Variants in MICAL3 observed in about 807,000 individuals in gnomAD.
MICAL3 encodes microtubule associated monooxygenase, calponin and LIM domain containing 3.
Under a neutral mutation model 207.4 loss-of-function variants are expected in MICAL3, and 62 were observed. That is an observed-to-expected ratio of 0.30 (90% CI 0.24 to 0.37). The LOEUF (loss-of-function observed/expected upper bound fraction) is 0.37. Ranked by LOEUF, MICAL3 falls within the 10% of genes least tolerant of loss-of-function variation. MICAL3 has a pLI of 1.00. For missense variants in MICAL3, 2,368 were observed against 2,635.6 expected, an observed-to-expected ratio of 0.90 and a Z score of 2.22; for synonymous variants, 1,077 against 1,069.3, an observed-to-expected ratio of 1.01 and a Z score of -0.14.
chr22:17,984,651 T>C (rs1418966384), intron 1 of MICAL3, among the ~76,000 whole-genome samples: 1 of 151,942 alleles, frequency 6.6e-6, no homozygotes, highest in Non-Finnish European at 1.5e-5. Context: ...CAAACAGGGT[T>C]TCTGACTTCA....
At chr22:17,993,090 A>G (rs1213729344) in intron 1 of MICAL3, among the ~76,000 whole-genome samples, 2 of 152,282 alleles carry the variant, frequency 1.3e-5, no homozygotes, top group Admixed American at 1.3e-4. Flanking sequence ...TCTGTTTTGG[A>G]AAGAAACTGA....
In MICAL3 at chr22:17,904,738, G is replaced by C. The variant is rs1296561535; in HGVS notation, c.366C>G (p.Ser122=). The C allele has an allele frequency of 6.2e-7, 1 of 1,613,780 alleles. No homozygotes were observed. Among genetic ancestry groups the C allele is most frequent in the Non-Finnish European group, 8.5e-7 (1 of 1,179,714 alleles). ...VVVIEKRDAF[S]RNNVLHLWPF... is the part of the protein sequence containing the mutation. ...GCCAGAGATGCAAGACGTTGTTGCG[G>C]GAGAAGGCATCTCGTTTCTCAATAA... Residue 122 remains serine, a synonymous_variant, in exon 3 of 32, where the codon TCC becomes TCG. Coordinates refer to ENST00000441493, the MANE Select transcript of MICAL3 (RefSeq NM_015241.3).
chr22:17,914,633 T>C (rs984004248), intron 1 of MICAL3, among the ~76,000 whole-genome samples: 15 of 152,264 alleles, frequency 9.9e-5, no homozygotes, highest in African/African-American at 3.6e-4. Context: ...ATATGCAGTT[T>C]CAAGTAAATT....
In MICAL3 at chr22:17,963,350, C is replaced by T. The variant is rs73151070; in HGVS notation, c.-74-56464G>A. ...TGGACACAGGATGTTTAAAGGAAGA[C>T]TGTTAGGGACACCCATGGCGTGAGA... On this transcript the variant is annotated intron_variant, in intron 1 of 31. Transcript: ENST00000441493. Among the ~76,000 whole-genome samples, 620 of 152,232 alleles carry T rather than the reference C, an allele frequency of 4.1e-3. 1 individual carries two copies. Among genetic ancestry groups the T allele is most frequent in the Non-Finnish European group, 6.8e-3 (461 of 68,020 alleles).
At chr22:17,988,154 A>G (rs1921241768) in intron 1 of MICAL3, among the ~76,000 whole-genome samples, 2 of 152,208 alleles carry the variant, frequency 1.3e-5, no homozygotes, top group Admixed American at 1.3e-4. Flanking sequence ...TTCAGAACCA[A>G]GTCATACTCC....
chr22:17,799,171 T>A (rs1319720034), intron 29 of MICAL3, among the ~76,000 whole-genome samples: 2 of 152,030 alleles, frequency 1.3e-5, no homozygotes, highest in African/African-American at 4.8e-5. Context: ...TCACTTGAGG[T>A]CTGGAGTTCA....
At chr22:17,973,861 C>T (rs1440832323) in intron 1 of MICAL3, among the ~76,000 whole-genome samples, 4 of 152,088 alleles carry the variant, frequency 2.6e-5, no homozygotes, top group Non-Finnish European at 5.9e-5. Flanking sequence ...GTCGAGGCTG[C>T]AGTAAGCTGT....
intron 19 of MICAL3, among the ~76,000 whole-genome samples, chr22:17,845,616 A>C (rs959514639): frequency 6.6e-6 from 1 of 152,086 alleles, no homozygotes; most frequent in Non-Finnish European, 1.5e-5. Flanking sequence ...AGGCACTATC[A>C]TTTGCAAATG....
intron 1 of MICAL3, among the ~76,000 whole-genome samples, chr22:18,007,818 G>T (rs1216199435): frequency 1.0e-4 from 15 of 150,600 alleles, no homozygotes; most frequent in Non-Finnish European, 1.5e-4. Flanking sequence ...AGCTACTCGG[G>T]AGGCTGAGGC....
In MICAL3 at chr22:17,895,304, T is replaced by C; in HGVS notation, c.1429A>G (p.Asn477Asp). Residue 477 changes from asparagine (N) to aspartate (D), a missense_variant, in exon 10 of 32, where the codon AAC (asparagine) becomes GAC (aspartate). Coordinates refer to ENST00000441493, the MANE Select transcript of MICAL3 (RefSeq NM_015241.3). ...PVTRYPNINV[N>D]FLRPSQVRHL... is the part of the protein sequence containing the mutation. ...CTTACCTGGCTTGGCCGGAGGAAGT[T>C]GACGTTGATATTGGGATACCGAGTG... The C allele has an allele frequency of 6.2e-7, 1 of 1,613,738 alleles. No homozygotes were observed. Among genetic ancestry groups the C allele is most frequent in the South Asian group, 1.1e-5 (1 of 90,966 alleles).
chr22:17,918,154 G>A (rs73388429), intron 1 of MICAL3, among the ~76,000 whole-genome samples: 8,170 of 152,156 alleles, frequency 0.054, 769 homozygotes, highest in African/African-American at 0.19. Context: ...TAAACGTGTC[G>A]TAAACATTTT....
intron 1 of MICAL3, among the ~76,000 whole-genome samples, chr22:17,962,101 T>C (rs747474501): frequency 2.0e-4 from 31 of 152,260 alleles, no homozygotes; most frequent in Non-Finnish European, 3.7e-4. Context: ...GAGGGGTAGG[T>C]CTGTCAATCG....
chr22:17,896,571 T>C (rs1361800792), intron 8 of MICAL3, among the ~76,000 whole-genome samples, 153 bp downstream of exon 8: 1 of 152,200 alleles, frequency 6.6e-6, no homozygotes, highest in Non-Finnish European at 1.5e-5. Flanking sequence ...CCCAGTGGCC[T>C]GTAGCCCTCC....
intron 1 of MICAL3, among the ~76,000 whole-genome samples, chr22:17,948,350 C>T (rs1406869910): frequency 6.6e-6 from 1 of 152,204 alleles, no homozygotes; most frequent in Non-Finnish European, 1.5e-5. Flanking sequence ...TGGTGGACTC[C>T]ACCTCTTGGT....
chr22:18,008,259 CAA>C (rs1923528495), intron 1 of MICAL3, among the ~76,000 whole-genome samples: 1 of 152,012 alleles, frequency 6.6e-6, no homozygotes. Context: ...AAGCATGGTG[CAA>C]TAGGAGCTCA....
chr22:17,803,419 G>C (rs2061959449), intron 29 of MICAL3: 1 of 152,072 alleles, frequency 6.6e-6, no homozygotes, highest in Admixed American at 6.5e-5. Flanking sequence ...TTGCTTCTTT[G>C]CGTAAGTGTG....
chr22:17,824,232 C>T (rs1300848559), intron 22 of MICAL3, among the ~76,000 whole-genome samples: 3 of 152,144 alleles, frequency 2.0e-5, no homozygotes, highest in African/African-American at 7.2e-5. Flanking sequence ...AGGGTTCAAG[C>T]CCAGCCACCC....
chr22:17,949,728 G>T (rs547371527), intron 1 of MICAL3, among the ~76,000 whole-genome samples: 4 of 152,272 alleles, frequency 2.6e-5, no homozygotes, highest in African/African-American at 9.6e-5. Context: ...GCTACAAAGG[G>T]GTCCAAACAA....
At position 17,945,657 on chromosome 22, in the gene MICAL3, C is replaced by T. The variant is rs114732871; in HGVS notation, c.-74-38771G>A. ...GAGGGGCTCAGTAAAGGCAGCGGGC[C>T]CCTCTCCACACAGCCCCCATACGCC... On this transcript the variant is annotated intron_variant, in intron 1 of 31. Transcript: ENST00000441493. Among the ~76,000 whole-genome samples the T allele has an allele frequency of 3.6e-3, 541 of 152,204 alleles. 5 individuals are homozygous for T. Among genetic ancestry groups the T allele is most frequent in the African/African-American group, 0.012 (516 of 41,532 alleles).
Sources: gnomAD v4.1 joint callset for allele counts (sites outside exome capture counted in the v4.1 genomes callset) on GRCh38, gnomAD v4.1.1 for gene constraint, MANE v1.5 for transcripts, NCBI Gene and HGNC (gene_info 2026-07-23, HGNC 2026-07-21) for gene names.